The following TUBB8 variants were observed in gnomAD, a reference collection of about 807,000 sequenced individuals.
TUBB8 encodes tubulin beta-8 chain.
In TUBB8, 25 loss-of-function variants were observed where a neutral mutation model predicts 33.7. The observed-to-expected ratio is 0.74, with a 90% confidence interval of 0.54 to 1.04. The LOEUF (loss-of-function observed/expected upper bound fraction) is 1.04. Ranked by LOEUF, TUBB8 falls within the 50% of genes least tolerant of loss-of-function variation. The probability of loss-of-function intolerance (pLI) is 0.00; values close to 1 mark genes in which losing one functional copy is unlikely to be tolerated. For missense variants in TUBB8, 279 were observed against 608.0 expected (o/e 0.46, Z 5.69); for synonymous variants, 245 against 240.1 (o/e 1.02, Z -0.19).
chr10:57,983 T>C (rs1834554205), intron 1 of TUBB8, among the ~76,000 whole-genome samples: 2 of 152,238 alleles, frequency 1.3e-5, no homozygotes, highest in African/African-American at 2.4e-5. Context: ...ACTTACTTTT[T>C]TTTGCTCCAA....
chr10:47,955 C>T lies in TUBB8; in HGVS notation c.437G>A (p.Gly146Glu), dbSNP rs782463920. The T allele has an allele frequency of 6.2e-7, 1 of 1,613,910 alleles. No homozygotes were observed. Among genetic ancestry groups the T allele is most frequent in the African/African-American group, 1.3e-5 (1 of 74,950 alleles). Residue 146 changes from glycine to glutamate, a missense_variant, in exon 4 of 4, where the codon GGG becomes GAG. By Grantham distance (98) the Gly-to-Glu change is moderately conservative. Transcript: ENST00000568584. ...THSLGGGTGS[G>E]MGTLLLSKIR... ...CTTACTGAGCAGAAGGGTACCCATCCCAGACCCAGTCCCCCCACCCAGGGA... is the reference window on the plus strand; with the variant it reads ...CTTACTGAGCAGAAGGGTACCCATCTCAGACCCAGTCCCCCCACCCAGGGA...
At position 47,873 on chromosome 10, in the gene TUBB8, G is replaced by A; in HGVS notation, c.519C>T (p.Pro173=). The part of the protein sequence containing the change: ...IINTFSILPS[P]KVSDTVVEPY... Reference sequence around the variant, plus strand: ...GCTCCACCACGGTGTCCGACACCTTGGGCGAGGGCAGGATGCTGAATGTGT... The same window carrying A: ...GCTCCACCACGGTGTCCGACACCTTAGGCGAGGGCAGGATGCTGAATGTGT... Residue 173 remains proline (P), a synonymous_variant, in exon 4 of 4, where the codon CCC becomes CCT. Coordinates refer to ENST00000568584, the MANE Select transcript of TUBB8 (RefSeq NM_177987.3). The A allele has an allele frequency of 6.2e-7, 1 of 1,614,234 alleles. No individual in the cohort carries two copies. Among genetic ancestry groups the A allele is most frequent in the Non-Finnish European group, 8.5e-7 (1 of 1,180,050 alleles).
In TUBB8 at chr10:47,743, G is replaced by A; in HGVS notation, c.649C>T (p.Leu217=). 6.2e-7 allele frequency: 1 copy of A among 1,613,528 alleles called. No individual in the cohort carries two copies. The highest frequency in any genetic ancestry group is 8.5e-7 in the Non-Finnish European group (1 of 1,180,036). ...LYDICSKTLK[L]PTPTYGDLNH... ...AGGTCACCATAGGTGGGTGTGGGCA[G>A]TTTTAGGGTCTTGGAACATATGTCA... Residue 217 remains leucine (L), a synonymous_variant, in exon 4 of 4, where the codon CTG becomes TTG. Transcript: ENST00000568584.
At chr10:62,451 C>T (rs1554741025) in intron 1 of TUBB8, among the ~76,000 whole-genome samples, 1 of 152,234 alleles carries the variant, frequency 6.6e-6, no homozygotes, top group African/African-American at 2.4e-5. Context: ...CCCTATTTTA[C>T]TGTCTATGTC....
At chr10:61,802 A>G in intron 1 of TUBB8, among the ~76,000 whole-genome samples, 1 of 152,292 alleles carries the variant, frequency 6.6e-6, no homozygotes, top group East Asian at 1.9e-4. Context: ...TATATTTCCA[A>G]TTATATCCTC....
intron 1 of TUBB8, among the ~76,000 whole-genome samples, chr10:71,411 A>G (rs1360789517): frequency 6.6e-5 from 10 of 151,788 alleles, no homozygotes; most frequent in African/African-American, 2.4e-4. Context: ...GAGGTGAGGG[A>G]TCACCTGAGG....
chr10:71,025 C>G (rs1420464896), intron 1 of TUBB8, among the ~76,000 whole-genome samples: 1 of 151,490 alleles, frequency 6.6e-6, no homozygotes, highest in African/African-American at 2.4e-5. Context: ...AAAAAGGACC[C>G]CAGGGGCAGG....
upstream of TUBB8, among the ~76,000 whole-genome samples, chr10:54,087 T>G (rs1195018449): frequency 2.6e-5 from 4 of 152,206 alleles, no homozygotes; most frequent in Admixed American, 2.6e-4. Flanking sequence ...TATAAATTAT[T>G]TTTTTACCAT....
Position 49,274 on chromosome 10 carries a change from A to G in TUBB8, c.-36T>C. 6.4e-7 allele frequency: 1 copy of G among 1,569,192 alleles called. No homozygotes were observed. Among genetic ancestry groups the G allele is most frequent in the Non-Finnish European group, 8.6e-7 (1 of 1,157,366 alleles). On this transcript the variant is annotated 5_prime_UTR_variant, in exon 1 of 4. Coordinates refer to ENST00000568584, the MANE Select transcript of TUBB8 (RefSeq NM_177987.3). Reference sequence around the variant, plus strand: ...GGATTAGGACGGCAGGAGAAACGTGAGAAGGAGGAGCAGACGCGCAGCGAC... The same window carrying G: ...GGATTAGGACGGCAGGAGAAACGTGGGAAGGAGGAGCAGACGCGCAGCGAC...
chr10:67,796 G>A (rs1439754359), intron 1 of TUBB8, among the ~76,000 whole-genome samples: 5 of 140,466 alleles, frequency 3.6e-5, no homozygotes, highest in African/African-American at 5.4e-5. Flanking sequence ...TTTTTTGAGA[G>A]AGTCTCACAC....
chr10:50,647 C>A (rs1401193340), upstream of TUBB8, among the ~76,000 whole-genome samples: 2 of 152,180 alleles, frequency 1.3e-5, no homozygotes, highest in African/African-American at 4.8e-5. Flanking sequence ...GGTCAGGAGT[C>A]CCCACCCATT....
At chr10:73,392 G>C (rs1308327268) in intron 1 of TUBB8, among the ~76,000 whole-genome samples, 1 of 152,232 alleles carries the variant, frequency 6.6e-6, no homozygotes, top group African/African-American at 2.4e-5. Context: ...TGTAATCCCA[G>C]CACTTTGGGA....
At chr10:54,710 G>A (rs1175612237) in intron 1 of TUBB8, among the ~76,000 whole-genome samples, 1 of 151,986 alleles carries the variant, frequency 6.6e-6, no homozygotes, top group Non-Finnish European at 1.5e-5. Context: ...ATATATTGTA[G>A]TGTATTAGTC....
At chr10:74,046 C>T in exon 1 of TUBB8, 1 of 154,798 alleles carries the variant, frequency 6.5e-6, no homozygotes. Context: ...TCCCAAGCCC[C>T]GGCCCCTCCT....
At chr10:58,110 C>T (rs1368872810) in intron 1 of TUBB8, among the ~76,000 whole-genome samples, 2 of 152,204 alleles carry the variant, frequency 1.3e-5, no homozygotes, top group Non-Finnish European at 2.9e-5. Context: ...TTTATATATC[C>T]CTAGGGCATG....
intron 1 of TUBB8, among the ~76,000 whole-genome samples, chr10:65,202 C>T (rs751767687): frequency 2.4e-4 from 37 of 152,312 alleles, no homozygotes; most frequent in African/African-American, 5.8e-4. Flanking sequence ...CTCTTGCTAA[C>T]CCTAAACCCT....
At chr10:57,265 A>G (rs1834543689) in intron 1 of TUBB8, among the ~76,000 whole-genome samples, 1 of 152,224 alleles carries the variant, frequency 6.6e-6, no homozygotes, top group Non-Finnish European at 1.5e-5. Flanking sequence ...TTCCAGGTGC[A>G]AAGTGCAAGC....
intron 1 of TUBB8, among the ~76,000 whole-genome samples, chr10:57,152 CT>C (rs1834541891): frequency 6.6e-6 from 1 of 152,230 alleles, no homozygotes; most frequent in Admixed American, 6.5e-5. Context: ...ACACTAATGC[CT>C]TGGGACGTTT....
rs782291418 is a variant in TUBB8 at position 47,675 on chromosome 10, G to A, written c.717C>T (p.Cys239=). ...VSATMSGVTT[C]LRFPGQLNAD... Reference sequence around the variant, plus strand: ...CATTCAGCTGGCCCGGGAAGCGCAGGCACGTGGTGACCCCACTCATGGTAG... The same window carrying A: ...CATTCAGCTGGCCCGGGAAGCGCAGACACGTGGTGACCCCACTCATGGTAG... Residue 239 remains cysteine, a synonymous_variant, in exon 4 of 4, where the codon TGC becomes TGT. Coordinates refer to ENST00000568584, the MANE Select transcript of TUBB8 (RefSeq NM_177987.3). The A allele has an allele frequency of 1.8e-5, 29 of 1,610,712 alleles. No individual in the cohort carries two copies. Among genetic ancestry groups the A allele is most frequent in the South Asian group, 2.2e-5 (2 of 90,996 alleles).
Sources: allele counts gnomAD v4.1 joint callset (sites outside exome capture counted in the v4.1 genomes callset), GRCh38; gene constraint gnomAD v4.1.1; transcripts MANE v1.5; gene names NCBI Gene and HGNC (gene_info 2026-07-23, HGNC 2026-07-21).